The following EIF4ENIF1 variants were observed in gnomAD, a reference collection of about 807,000 sequenced individuals.
EIF4ENIF1 encodes eukaryotic translation initiation factor 4E transporter.
EIF4ENIF1 carries 23 observed loss-of-function variants against 110.5 expected under a neutral mutation model. The ratio of observed to expected loss-of-function variants is 0.21; its 90% CI spans 0.15 to 0.29. The LOEUF (loss-of-function observed/expected upper bound fraction) is 0.29. Among genes scored for constraint, EIF4ENIF1 ranks in the 10% least tolerant of loss-of-function variants. The pLI is 1.00. For synonymous variants in EIF4ENIF1, 440 were observed against 437.0 expected (o/e 1.01, Z -0.09); for missense variants, 1,031 against 1,221.1 (o/e 0.84, Z 2.32).
chr22:31,457,908 A>G (rs1048250968), intron 7 of EIF4ENIF1, among the ~76,000 whole-genome samples: 3 of 152,164 alleles, frequency 2.0e-5, no homozygotes, highest in Non-Finnish European at 4.4e-5. Context: ...AAATATAAGC[A>G]TCTTAGTGAT....
chr22:31,442,097 G>C lies in EIF4ENIF1; in HGVS notation c.2228C>G (p.Ser743Cys), dbSNP rs1200072050. 1.2e-6 allele frequency: 2 copies of C among 1,608,118 alleles called. No homozygotes were observed. Among genetic ancestry groups the C allele is most frequent in the African/African-American group, 1.3e-5 (1 of 74,788 alleles). ...AGAGTCTCGATCGGCACTGGGTACA[G>C]AGCTGGATGACAGGAGGTTTTCTGT... is the stretch of plus-strand genomic sequence containing the variant. ...ASEENLLSSS[S>C]VPSADRDSSP... Residue 743 changes from serine to cysteine, a missense_variant, in exon 17 of 19, where the codon TCT (serine) becomes TGT (cysteine). This residue lies in a region of EIF4ENIF1 where 309 missense variants were observed against 299.1 expected (regional missense o/e 1.03). Transcript: ENST00000330125.
intron 18 of EIF4ENIF1, among the ~76,000 whole-genome samples, chr22:31,440,485 A>G (rs551717197): frequency 1.5e-4 from 23 of 152,356 alleles, no homozygotes; most frequent in Non-Finnish European, 2.8e-4. Context: ...GGAAAAAGCC[A>G]GAAAACACTT....
chr22:31,448,316 G>A, intron 12 of EIF4ENIF1, 84 bp from the exon 13 acceptor site: 1 of 1,295,298 alleles, frequency 7.7e-7, no homozygotes, highest in Non-Finnish European at 1.1e-6. Flanking sequence ...GACATTTCTT[G>A]CTGAACGCCA....
chr22:31,454,993 G>T, intron 9 of EIF4ENIF1, 143 bp downstream of exon 9: 1 of 642,894 alleles, frequency 1.6e-6, no homozygotes. Context: ...TTGATGAAAT[G>T]AGTTTTTAAA....
chr22:31,487,408 G>T (rs996429519), intron 2 of EIF4ENIF1, among the ~76,000 whole-genome samples: 3 of 152,148 alleles, frequency 2.0e-5, no homozygotes, highest in African/African-American at 7.2e-5. Flanking sequence ...TTATCAAGTA[G>T]GTAAGAGTAG....
chr22:31,468,206 T>G lies in EIF4ENIF1; in HGVS notation c.267A>C (p.Thr89=), dbSNP rs1369233024. ...PVESLKKELD[T]DRPSLVRRIV... is the part of the protein sequence containing the mutation. ...TCCTGCGCACCAGGGAAGGCCGGTC[T>G]GTATCCAACTCTTTCTTCAGACTTT... The change falls in exon 4 of 19, where the codon ACA becomes ACC. Residue 89 remains threonine, a synonymous_variant. Transcript: ENST00000330125. 6.2e-7 allele frequency: 1 copy of G among 1,614,184 alleles called. No individual in the cohort carries two copies. The highest frequency in any genetic ancestry group is 8.5e-7 in the Non-Finnish European group (1 of 1,180,030).
At chr22:31,488,109 G>C (rs887030773) in intron 2 of EIF4ENIF1, among the ~76,000 whole-genome samples, 3 of 152,102 alleles carry the variant, frequency 2.0e-5, no homozygotes, top group Non-Finnish European at 4.4e-5. Flanking sequence ...TTTTAGCTAG[G>C]GGAAATATGA....
chr22:31,437,643 A>T (rs1187081141), downstream of EIF4ENIF1: 1 of 152,138 alleles, frequency 6.6e-6, no homozygotes. Context: ...TTCTAGTCTG[A>T]AAAGGAAGCC....
Position 31,449,493 on chromosome 22 carries a change from GGAA to G in EIF4ENIF1, c.1620_1622del (p.Ser541del). On this transcript the variant is annotated inframe_deletion, in exon 12 of 19. Coordinates refer to ENST00000330125, the MANE Select transcript of EIF4ENIF1 (RefSeq NM_019843.4). ...TCCCCATAAGGCCACTCAGAAGATT[GGAA>G]GAAGCAGGTCTCTGAACTGGTTGAC... 1.2e-6 allele frequency: 2 copies of G among 1,614,004 alleles called. No individual in the cohort carries two copies. Among genetic ancestry groups the G allele is most frequent in the South Asian group, 1.1e-5 (1 of 91,072 alleles).
intron 2 of EIF4ENIF1, 58 bp from the exon 3 acceptor site, chr22:31,471,975 A>G: frequency 7.4e-7 from 1 of 1,358,316 alleles, no homozygotes; most frequent in Non-Finnish European, 1.0e-6. Flanking sequence ...ACACACTTTA[A>G]ACTTCTGTTC....
Position 31,442,976 on chromosome 22 carries a change from T to C in EIF4ENIF1, c.2192A>G (p.Gln731Arg), listed in dbSNP as rs538324116. ...AALGDSKEDT[Q>R]KASEENLLSS... The stretch of plus-strand genomic sequence containing the variant: ...CTCTGCAGTACCTTCACTGGCCTTC[T>C]GAGTATCCTCTTTACTGTCACCAAG... The change falls in exon 16 of 19, where the codon CAG (glutamine) becomes CGG (arginine). Residue 731 changes from glutamine to arginine, a missense_variant. Physicochemically the swap from Gln to Arg is conservative, Grantham distance 43 (BLOSUM62 1). Around this residue, in one of 3 missense-constraint regions of EIF4ENIF1, gnomAD observed 309 missense variants for 299.1 expected, o/e 1.03. Transcript: ENST00000330125. 6.2e-7 allele frequency: 1 copy of C among 1,614,078 alleles called. No individual in the cohort carries two copies. The highest frequency in any genetic ancestry group is 1.1e-5 in the South Asian group (1 of 91,074).
intron 5 of EIF4ENIF1, among the ~76,000 whole-genome samples, chr22:31,463,359 A>G (rs531720333): frequency 2.6e-5 from 4 of 152,208 alleles, no homozygotes; most frequent in Middle Eastern, 6.8e-3. Flanking sequence ...CAAGTCCCCA[A>G]GCACATGAAC....
chr22:31,455,230 T>A lies in EIF4ENIF1; in HGVS notation c.1185A>T (p.Lys395Asn). 1 of 1,614,054 alleles carries A rather than the reference T, an allele frequency of 6.2e-7. No homozygotes were observed. ...TCTGTAGCATTTCTAAAATATCCAC[T>A]TTATTTTCAGCATGGTCTTCCAATG... ...PIPLEDHAEN[K>N]VDILEMLQKA... Residue 395 changes from lysine (K) to asparagine (N), a missense_variant, in exon 9 of 19, where the codon AAA (lysine) becomes AAT (asparagine). This residue lies in a region of EIF4ENIF1 where 704 missense variants were observed against 879.7 expected (regional missense o/e 0.80). Transcript: ENST00000330125.
intron 11 of EIF4ENIF1, 111 bp from the exon 12 acceptor site, chr22:31,449,642 A>C: frequency 1.1e-6 from 1 of 921,398 alleles, no homozygotes; most frequent in East Asian, 2.5e-5. Flanking sequence ...CTCATGCTCA[A>C]CTGAAGGACT....
chr22:31,467,332 A>C (rs2051223429), intron 4 of EIF4ENIF1, among the ~76,000 whole-genome samples: 1 of 152,152 alleles, frequency 6.6e-6, no homozygotes, highest in Non-Finnish European at 1.5e-5. Context: ...TTTTATGATG[A>C]GTCGTCCTCT....
intron 2 of EIF4ENIF1, among the ~76,000 whole-genome samples, chr22:31,482,989 A>C (rs997188469): frequency 2.0e-5 from 3 of 151,738 alleles, no homozygotes; most frequent in African/African-American, 7.3e-5. Context: ...GGGCCACTGC[A>C]CTCCAGCCTG....
At chr22:31,465,367 T>C (rs1601611206) in intron 4 of EIF4ENIF1, among the ~76,000 whole-genome samples, 1 of 142,322 alleles carries the variant, frequency 7.0e-6, no homozygotes, top group Non-Finnish European at 1.5e-5. Flanking sequence ...AATAGACAAA[T>C]GGTTTGAACA....
intron 2 of EIF4ENIF1, among the ~76,000 whole-genome samples, chr22:31,476,645 AG>A (rs1164483542): frequency 5.3e-5 from 8 of 152,148 alleles, no homozygotes; most frequent in Non-Finnish European, 1.2e-4. Context: ...ATGTAATCAC[AG>A]CACTTTGGGA....
chr22:31,486,458 C>T (rs1276761977), intron 2 of EIF4ENIF1, among the ~76,000 whole-genome samples: 3 of 150,168 alleles, frequency 2.0e-5, no homozygotes, highest in African/African-American at 4.9e-5. Flanking sequence ...AGTGAGACTC[C>T]GGCTCAAAAA....
Sources: gnomAD v4.1 joint callset for allele counts (sites outside exome capture counted in the v4.1 genomes callset) on GRCh38, gnomAD v4.1.1 for gene constraint, gnomAD v4.1.1 regional missense constraint, MANE v1.5 for transcripts, NCBI Gene and HGNC (gene_info 2026-07-23, HGNC 2026-07-21) for gene names.